PCDHGA10: variants seen among roughly 807,000 people sequenced by gnomAD.
PCDHGA10 encodes protocadherin gamma-A10.
PCDHGA10 carries 42 observed loss-of-function variants against 59.5 expected under a neutral mutation model. The observed-to-expected ratio is 0.71, with a 90% CI of 0.55 to 0.91. The LOEUF is 0.91. Among genes scored for constraint, PCDHGA10 ranks in the 40% least tolerant of loss-of-function variants. PCDHGA10 has a pLI of 0.00. For missense variants in PCDHGA10, 1,111 were observed against 1,198.2 expected (o/e 0.93, Z 1.07); for synonymous variants, 511 against 517.2 (o/e 0.99, Z 0.16).
chr5:141,480,837 G>T (rs1435750544), intron 1 of PCDHGA10, among the ~76,000 whole-genome samples: 2 of 152,168 alleles, frequency 1.3e-5, no homozygotes, highest in African/African-American at 4.8e-5. Flanking sequence ...ATAAGATCAG[G>T]AGTTTGAGAC....
intron 1 of PCDHGA10, among the ~76,000 whole-genome samples, chr5:141,437,987 C>T (rs2097922147): frequency 1.3e-5 from 2 of 152,156 alleles, no homozygotes; most frequent in African/African-American, 2.4e-5. Flanking sequence ...GCACCCACCC[C>T]ACCTCAGCCT....
At chr5:141,420,018 G>A (rs2096458708) in intron 1 of PCDHGA10, 2 of 1,613,948 alleles carry the variant, frequency 1.2e-6, no homozygotes, top group African/African-American at 1.3e-5. Flanking sequence ...CAGTCTTTCA[G>A]CCCTACTGCA....
intron 1 of PCDHGA10, chr5:141,423,314 T>C: frequency 6.2e-7 from 1 of 1,614,178 alleles, no homozygotes; most frequent in Non-Finnish European, 8.5e-7. Context: ...TACTTGGTGG[T>C]GGCGGTGGCC....
intron 1 of PCDHGA10, among the ~76,000 whole-genome samples, chr5:141,469,864 C>T (rs963843852): frequency 6.6e-6 from 1 of 152,218 alleles, no homozygotes; most frequent in African/African-American, 2.4e-5. Flanking sequence ...GGTGCAATGG[C>T]TCACGCCTGT....
chr5:141,478,612 G>A (rs1311028260), intron 1 of PCDHGA10: 2 of 1,558,218 alleles, frequency 1.3e-6, no homozygotes, highest in African/African-American at 1.4e-5. Flanking sequence ...TATTGAGGAA[G>A]GAATGGAGCT....
chr5:141,418,389 A>G (rs768078575), intron 1 of PCDHGA10: 1 of 1,613,996 alleles, frequency 6.2e-7, no homozygotes, highest in South Asian at 1.1e-5. Context: ...CCTAACGAGT[A>G]TTTCTCATTG....
intron 2 of PCDHGA10, among the ~76,000 whole-genome samples, chr5:141,500,838 GGCTTTT>G (rs2099802886): frequency 6.6e-6 from 1 of 151,878 alleles, no homozygotes. Flanking sequence ...AATGCTAATG[GGCTTTT>G]GCTACATTAG....
chr5:141,437,628 T>C (rs2097897572), intron 1 of PCDHGA10, among the ~76,000 whole-genome samples: 1 of 152,212 alleles, frequency 6.6e-6, no homozygotes, highest in African/African-American at 2.4e-5. Context: ...CCATATAAGA[T>C]GTCAGGTTCA....
intron 1 of PCDHGA10, among the ~76,000 whole-genome samples, chr5:141,444,241 G>A (rs1302797543): frequency 3.1e-5 from 4 of 130,308 alleles, no homozygotes; most frequent in Admixed American, 1.9e-4. Flanking sequence ...GCATGCTCTC[G>A]GCTCACTGCA....
chr5:141,478,418 C>T, intron 1 of PCDHGA10: 1 of 1,613,650 alleles, frequency 6.2e-7, no homozygotes, highest in Non-Finnish European at 8.5e-7. Context: ...GGACTCCCGC[C>T]GCAGCGACCC....
Position 141,496,029 on chromosome 5 carries a change from C to T in PCDHGA10, c.2495+1164C>T, listed in dbSNP as rs548231443. ...TTGTCTTTTTTCTCTGAGCCTCTGTCTCTGTCTCTCATTTTTTTGTGCTTG... is the reference window on the plus strand; with the variant it reads ...TTGTCTTTTTTCTCTGAGCCTCTGTTTCTGTCTCTCATTTTTTTGTGCTTG... On this transcript the variant is annotated intron_variant, in intron 2 of 3. Coordinates refer to ENST00000398610, the MANE Select transcript of PCDHGA10 (RefSeq NM_018913.3). Among the ~76,000 whole-genome samples, 3 of 152,088 alleles carry T rather than the reference C, an allele frequency of 2.0e-5. No individual in the cohort carries two copies. In the East Asian group the frequency reaches 5.8e-4, roughly 29 times the overall value.
chr5:141,437,820 C>T (rs973577605), intron 1 of PCDHGA10, among the ~76,000 whole-genome samples: 4 of 151,904 alleles, frequency 2.6e-5, no homozygotes, highest in Non-Finnish European at 5.9e-5. Flanking sequence ...TCACTGCAAC[C>T]TCTGCCTCCT....
intron 1 of PCDHGA10, among the ~76,000 whole-genome samples, chr5:141,472,725 C>T (rs1250092748): frequency 6.6e-6 from 1 of 152,022 alleles, no homozygotes; most frequent in Non-Finnish European, 1.5e-5. Flanking sequence ...GTGGCTCACA[C>T]CTGTAATCCC....
intron 2 of PCDHGA10, 147 bp from the exon 3 acceptor site, chr5:141,505,246 G>A (rs2099844792): frequency 2.1e-6 from 3 of 1,436,556 alleles, no homozygotes; most frequent in African/African-American, 1.4e-5. Flanking sequence ...AAGGATTGTA[G>A]AAGTGCCTCC....
rs374476072 is a variant in PCDHGA10, at chr5:141,419,103, C to T, written c.2436+3492C>T. 5 of 1,613,886 alleles carry T rather than the reference C, an allele frequency of 3.1e-6. 1 individual carries two copies. Among genetic ancestry groups the T allele is most frequent in the South Asian group, 1.1e-5 (1 of 91,088 alleles). On this transcript the variant is annotated intron_variant, in intron 1 of 3. Transcript: ENST00000398610. ...GATGAGGCCCTGGATCGGGAGCAGA[C>T]CCCAGAGTACAACGTCACCATCGCA... is the stretch of plus-strand genomic sequence containing the variant.
chr5:141,460,289 T>C, intron 1 of PCDHGA10, among the ~76,000 whole-genome samples: 1 of 152,148 alleles, frequency 6.6e-6, no homozygotes, highest in East Asian at 1.9e-4. Context: ...TTTGTATTTC[T>C]TATGTCCTAT....
intron 1 of PCDHGA10, among the ~76,000 whole-genome samples, chr5:141,484,322 T>C (rs2099594801): frequency 6.6e-6 from 1 of 152,214 alleles, no homozygotes; most frequent in Non-Finnish European, 1.5e-5. Flanking sequence ...TTCCATACTG[T>C]CCTTGAAATC....
rs752660538 is a variant in PCDHGA10 at position 141,486,495 on chromosome 5, T to C, written c.2437-8312T>C. 1 of 1,614,074 alleles carries C rather than the reference T, an allele frequency of 6.2e-7. No individual in the cohort carries two copies. The highest frequency in any genetic ancestry group is 8.5e-7 in the Non-Finnish European group (1 of 1,179,922). On this transcript the variant is annotated intron_variant, in intron 1 of 3. Transcript: ENST00000398610. The surrounding 1 kb of genome is among the most constrained non-coding windows in gnomAD (Gnocchi z 5.0). ...CCTCCTCTCAGTACCCACAGAACTA[T>C]TTTCCTCAATATTTCAGATGTGAAT...
At chr5:141,478,159 T>C (rs1456465606) in intron 1 of PCDHGA10, 2 of 1,614,064 alleles carry the variant, frequency 1.2e-6, no homozygotes, top group Admixed American at 1.7e-5. Flanking sequence ...CCTCTGGCTC[T>C]GCCCCCCGGG....
Sources: gnomAD v4.1 joint callset for allele counts (sites outside exome capture counted in the v4.1 genomes callset) on GRCh38, gnomAD v4.1.1 for gene constraint, Gnocchi (gnomAD v3.1) non-coding constraint, MANE v1.5 for transcripts, NCBI Gene and HGNC (gene_info 2026-07-23, HGNC 2026-07-21) for gene names.